Variants in B3GALT1 observed in about 807,000 individuals in gnomAD.
B3GALT1 encodes the protein beta-1,3-galactosyltransferase 1, also known as UDP-Gal:betaGlcNAc beta 1,3-galactosyltransferase, polypeptide 1.
In B3GALT1, 10 loss-of-function variants were observed where a neutral mutation model predicts 23.2. The observed-to-expected ratio is 0.43, with a 90% CI of 0.27 to 0.73. B3GALT1 has a LOEUF of 0.73. B3GALT1 is among the 30% of genes least tolerant of loss of function. B3GALT1 has a pLI of 0.21. For synonymous variants in B3GALT1, 156 were observed against 141.5 expected (o/e 1.10, Z -0.73); for missense variants, 299 against 405.4 (o/e 0.74, Z 2.25).
chr2:167,823,198 G>C (rs139826308), intron 4 of B3GALT1, among the ~76,000 whole-genome samples: 1 of 152,280 alleles, frequency 6.6e-6, no homozygotes, highest in East Asian at 1.9e-4. Flanking sequence ...AAGCAGCAAC[G>C]CTAGGTTGTT....
At chr2:167,462,027 G>A (rs1699265967) in intron 1 of B3GALT1, among the ~76,000 whole-genome samples, 1 of 152,136 alleles carries the variant, frequency 6.6e-6, no homozygotes. Flanking sequence ...CATAGCAGAT[G>A]TCAAGCTACC....
At position 167,869,428 on chromosome 2, in the gene B3GALT1, T is replaced by A; in HGVS notation, c.389T>A (p.Val130Glu). The change falls in exon 5 of 5, where the codon GTG becomes GAG. Residue 130 changes from valine (V) to glutamate (E), a missense_variant. Transcript: ENST00000392690. This position sits in a 1 kb window ranked among gnomAD's most constrained non-coding sequence, Gnocchi z 6.4. ...KNADPVLNQM[V>E]EQESQIFHDI... ...GCTGATCCTGTTCTCAATCAGATGG[T>A]GGAGCAAGAGAGCCAAATCTTCCAT... 1 of 1,614,128 alleles carries A rather than the reference T, an allele frequency of 6.2e-7. No homozygotes were observed. The highest frequency in any genetic ancestry group is 8.5e-7 in the Non-Finnish European group (1 of 1,180,016).
At chr2:167,458,117 C>A (rs1036097040) in intron 1 of B3GALT1, among the ~76,000 whole-genome samples, 1 of 152,070 alleles carries the variant, frequency 6.6e-6, no homozygotes, top group Non-Finnish European at 1.5e-5. Context: ...ACAATAACAC[C>A]CCATTTCCCC....
intron 1 of B3GALT1, among the ~76,000 whole-genome samples, chr2:167,447,724 G>A (rs922433061): frequency 1.3e-5 from 2 of 152,126 alleles, no homozygotes; most frequent in Non-Finnish European, 2.9e-5. Flanking sequence ...CACAATATTA[G>A]GGTGGAAGTG....
At chr2:167,715,095 C>T (rs766646740) in intron 3 of B3GALT1, 51 of 1,613,128 alleles carry the variant, frequency 3.2e-5, no homozygotes, top group Non-Finnish European at 4.1e-5. Context: ...TTTAAAGAAA[C>T]ATTTAAGTTA....
At chr2:167,686,717 A>G (rs539037348) in intron 3 of B3GALT1, among the ~76,000 whole-genome samples, 3 of 152,342 alleles carry the variant, frequency 2.0e-5, no homozygotes, top group South Asian at 2.1e-4. Flanking sequence ...CCATGTGCAC[A>G]CTTACACGCA....
At chr2:167,501,894 A>C (rs1174070116) in intron 2 of B3GALT1, among the ~76,000 whole-genome samples, 1 of 152,156 alleles carries the variant, frequency 6.6e-6, no homozygotes, top group African/African-American at 2.4e-5. Flanking sequence ...TATGACATTT[A>C]TGGCAAGACT....
intron 1 of B3GALT1, among the ~76,000 whole-genome samples, chr2:167,354,820 T>A (rs2617365): frequency 0.8 from 121,030 of 152,100 alleles, 49,848 homozygotes; most frequent in East Asian, 0.92. Flanking sequence ...TGTCTTTTAT[T>A]GCCTGCACCA....
chr2:167,780,513 A>G (rs1688229098), intron 3 of B3GALT1, among the ~76,000 whole-genome samples: 1 of 152,002 alleles, frequency 6.6e-6, no homozygotes, highest in African/African-American at 2.4e-5. Flanking sequence ...CAACAACACT[A>G]CTCTGCCCAT....
At chr2:167,346,762 G>A (rs1364452802) in intron 1 of B3GALT1, among the ~76,000 whole-genome samples, 5 of 148,560 alleles carry the variant, frequency 3.4e-5, no homozygotes, top group Admixed American at 1.3e-4. Context: ...GGGGTGGTGC[G>A]TGTGTGTGTG....
At chr2:167,574,930 C>T (rs942384251) in intron 2 of B3GALT1, among the ~76,000 whole-genome samples, 1 of 151,660 alleles carries the variant, frequency 6.6e-6, no homozygotes, top group Admixed American at 6.6e-5. Context: ...AACCGTGTCT[C>T]CCCTAACATC....
chr2:167,759,919 G>A (rs551317863), intron 3 of B3GALT1, among the ~76,000 whole-genome samples: 2 of 152,270 alleles, frequency 1.3e-5, no homozygotes, highest in South Asian at 4.2e-4. Flanking sequence ...CGTTATAGCT[G>A]AGCCACCATT....
intron 3 of B3GALT1, among the ~76,000 whole-genome samples, chr2:167,809,694 A>C (rs1688836602): frequency 6.6e-6 from 1 of 152,096 alleles, no homozygotes; most frequent in African/African-American, 2.4e-5. Context: ...GTCTGCCCCT[A>C]CTGGGGGGTG....
At chr2:167,758,664 A>AT (rs1054716781) in intron 3 of B3GALT1, among the ~76,000 whole-genome samples, 42 of 150,216 alleles carry the variant, frequency 2.8e-4, no homozygotes, top group African/African-American at 7.3e-4. Flanking sequence ...TGTTTCGTGC[A>AT]TTTTTTTTTC....
chr2:167,351,944 G>C (rs1451911032), intron 1 of B3GALT1, among the ~76,000 whole-genome samples: 1 of 114,454 alleles, frequency 8.7e-6, no homozygotes, highest in African/African-American at 2.7e-5. Flanking sequence ...GAAAGGAGAA[G>C]GCTGTTTTTG....
At chr2:167,633,992 G>T (rs183276033) in intron 2 of B3GALT1, among the ~76,000 whole-genome samples, 1 of 151,876 alleles carries the variant, frequency 6.6e-6, no homozygotes, top group African/African-American at 2.4e-5. Flanking sequence ...CATAACAAAC[G>T]GTTTCTCAGA....
chr2:167,625,608 T>C (rs150427034), intron 2 of B3GALT1, among the ~76,000 whole-genome samples: 13 of 151,842 alleles, frequency 8.6e-5, no homozygotes, highest in African/African-American at 2.9e-4. Context: ...AATCCGCTAA[T>C]ATCCAATTAT....
At chr2:167,721,738 C>A (rs1346246839) in intron 3 of B3GALT1, among the ~76,000 whole-genome samples, 3 of 152,208 alleles carry the variant, frequency 2.0e-5, no homozygotes, top group African/African-American at 4.8e-5. Context: ...GTGGCTGACA[C>A]ATCCCAAGGA....
At chr2:167,618,531 A>T (rs1315356637) in intron 2 of B3GALT1, among the ~76,000 whole-genome samples, 1 of 152,056 alleles carries the variant, frequency 6.6e-6, no homozygotes, top group Non-Finnish European at 1.5e-5. Flanking sequence ...CAAAATAAAA[A>T]AAGGTAACAG....
Sources: allele counts gnomAD v4.1 joint callset (sites outside exome capture counted in the v4.1 genomes callset), GRCh38; gene constraint gnomAD v4.1.1; non-coding constraint Gnocchi (gnomAD v3.1); transcripts MANE v1.5; gene names NCBI Gene and HGNC (gene_info 2026-07-23, HGNC 2026-07-21).